Variants in CAPN14 observed in about 807,000 individuals in gnomAD.
The protein encoded by CAPN14 is calpain-14.
A neutral mutation model predicts 101.3 loss-of-function variants in CAPN14; 94 were observed. The observed-to-expected ratio is 0.93, with a 90% CI of 0.79 to 1.10. The LOEUF (loss-of-function observed/expected upper bound fraction) is 1.10, where lower values mean the gene tolerates loss of function less well. CAPN14 is among the 50% of genes least tolerant of loss of function. CAPN14 has a pLI of 0.00. For missense variants in CAPN14, 837 were observed against 828.4 expected, an observed-to-expected ratio of 1.01 and a Z score of -0.13; for synonymous variants, 338 against 317.9, an observed-to-expected ratio of 1.06 and a Z score of -0.67.
intron 1 of CAPN14, among the ~76,000 whole-genome samples, chr2:31,210,365 G>A (rs1349757090): frequency 6.6e-6 from 1 of 152,116 alleles, no homozygotes; most frequent in Non-Finnish European, 1.5e-5. Flanking sequence ...GGAGAATGGT[G>A]TGAACCCGGG....
At chr2:31,212,498 C>G (rs1284031706) in intron 1 of CAPN14, among the ~76,000 whole-genome samples, 1 of 152,080 alleles carries the variant, frequency 6.6e-6, no homozygotes, top group African/African-American at 2.4e-5. Flanking sequence ...ATAAGATCTG[C>G]CCAAATCCTG....
chr2:31,199,504 TC>T lies in CAPN14; in HGVS notation c.754del (p.Glu252LysfsTer13). On this transcript the variant is annotated frameshift_variant, in exon 7 of 22. Transcript: ENST00000403897. LOFTEE classifies it high-confidence loss of function. Reference sequence around the variant, plus strand: ...TCCTGTGAGAGTATAGGCATGGCCTTCCACCAGCCCATTCTCCAGAATCTTC... The same window carrying T: ...TCCTGTGAGAGTATAGGCATGGCCTTCACCAGCCCATTCTCCAGAATCTTC... ...GEKILENGLV[E>X]GHAYTLTGIR... 1 of 1,551,544 alleles carries T rather than the reference TC, an allele frequency of 6.4e-7. No individual in the cohort carries two copies.
chr2:31,203,517 C>T (rs1299887748), intron 2 of CAPN14, among the ~76,000 whole-genome samples: 1 of 152,036 alleles, frequency 6.6e-6, no homozygotes, highest in African/African-American at 2.4e-5. Context: ...ATTCCTGACC[C>T]CTAATATGAT....
chr2:31,219,185 C>T (rs141390596), upstream of CAPN14, among the ~76,000 whole-genome samples: 693 of 149,862 alleles, frequency 4.6e-3, 7 homozygotes, highest in African/African-American at 0.016. Context: ...AATTGTGCTG[C>T]GGATTCACAG....
intron 11 of CAPN14, 147 bp downstream of exon 11, chr2:31,191,788 T>A (rs1681193940): frequency 1.4e-6 from 1 of 733,200 alleles, no homozygotes; most frequent in African/African-American, 1.8e-5. Context: ...CTAAATCACA[T>A]GTTCCTAAAG....
chr2:31,193,119 G>T lies in CAPN14; in HGVS notation c.1114+12C>A. 1 of 1,547,566 alleles carries T rather than the reference G, an allele frequency of 6.5e-7. No homozygotes were observed. ...CTCACCCTGAGAGCCCTGCTCCTGT[G>T]CACATGCTCACCCTGCAGCAACTGC... On this transcript the variant is annotated intron_variant, in intron 10 of 21. Transcript: ENST00000403897.
chr2:31,218,146 G>A (rs1198949883), upstream of CAPN14, among the ~76,000 whole-genome samples: 1 of 151,998 alleles, frequency 6.6e-6, no homozygotes, highest in African/African-American at 2.4e-5. Flanking sequence ...TTCACCTTGG[G>A]TCCCGTTGCT....
At position 31,200,630 on chromosome 2, in the gene CAPN14, C is replaced by A; in HGVS notation, c.552-5G>T. 6.5e-7 allele frequency: 1 copy of A among 1,536,334 alleles called. No homozygotes were observed. Among genetic ancestry groups the A allele is most frequent in the Non-Finnish European group, 8.8e-7 (1 of 1,141,426 alleles). ...TCTTCATAGGAACCAGAGAGCCTGG[C>A]CAGGGAAGAAATAAACATGAGAGGA... On this transcript the variant is annotated splice_polypyrimidine_tract_variant and splice_region_variant and intron_variant, in intron 5 of 21. Coordinates refer to ENST00000403897, the MANE Select transcript of CAPN14 (RefSeq NM_001145122.2).
intron 1 of CAPN14, among the ~76,000 whole-genome samples, chr2:31,227,185 C>T (rs1003638915): frequency 3.9e-5 from 6 of 152,156 alleles, no homozygotes; most frequent in African/African-American, 1.4e-4. Flanking sequence ...AGATACACAC[C>T]GCTGCCTCTC....
At chr2:31,212,484 A>G (rs1682453256) in intron 1 of CAPN14, among the ~76,000 whole-genome samples, 1 of 152,092 alleles carries the variant, frequency 6.6e-6, no homozygotes, top group Non-Finnish European at 1.5e-5. Flanking sequence ...CTTGATTTGG[A>G]AAAATAAGAT....
upstream of CAPN14, among the ~76,000 whole-genome samples, chr2:31,218,913 G>T (rs1682769083): frequency 6.6e-6 from 1 of 152,184 alleles, no homozygotes; most frequent in Admixed American, 6.5e-5. Context: ...CCTCGCATGG[G>T]TCTGAAGGTG....
Position 31,192,136 on chromosome 2 carries a change from A to T in CAPN14, c.1115-38T>A, listed in dbSNP as rs1026712000. On this transcript the variant is annotated intron_variant, in intron 10 of 21. Transcript: ENST00000403897. ...ACAGCAAGGTGAGAATGGGCCCCGGATCCCCATGCATCCTGCTTGCCGAAC... is the reference window on the plus strand; with the variant it reads ...ACAGCAAGGTGAGAATGGGCCCCGGTTCCCCATGCATCCTGCTTGCCGAAC... 3.3e-6 allele frequency: 5 copies of T among 1,498,158 alleles called. No individual in the cohort carries two copies. The Admixed American group carries it at 6.7e-5, about 20-fold the overall frequency. 92.8% of individuals were successfully genotyped at this position (1,498,158 alleles called of 1,614,324 possible). A position where few individuals can be genotyped will look rare whatever the true frequency, so the allele number is the denominator to read the frequency against.
At chr2:31,229,919 T>C (rs1373597208) in intron 1 of CAPN14, among the ~76,000 whole-genome samples, 1 of 152,202 alleles carries the variant, frequency 6.6e-6, no homozygotes, top group Non-Finnish European at 1.5e-5. Flanking sequence ...ATTAATGAAA[T>C]TGTATGATTC....
intron 17 of CAPN14, among the ~76,000 whole-genome samples, 171 bp downstream of exon 17, chr2:31,180,765 C>A (rs1193983347): frequency 1.3e-5 from 2 of 152,210 alleles, no homozygotes; most frequent in Non-Finnish European, 2.9e-5. Context: ...TAAGTTTCAA[C>A]ACTCTCTCCA....
intron 1 of CAPN14, among the ~76,000 whole-genome samples, chr2:31,228,043 A>G (rs747994263): frequency 3.9e-5 from 6 of 152,204 alleles, no homozygotes; most frequent in Non-Finnish European, 5.9e-5. Flanking sequence ...CAGGGTGTGC[A>G]AAGGAGCCCG....
At chr2:31,176,155 T>A (rs2148669322) in intron 21 of CAPN14, among the ~76,000 whole-genome samples, 1 of 152,272 alleles carries the variant, frequency 6.6e-6, no homozygotes, top group South Asian at 2.1e-4. Context: ...CTTGTGTTTC[T>A]CCCATTTCCC....
intron 1 of CAPN14, chr2:31,228,423 C>G (rs1189559913): frequency 6.6e-6 from 1 of 152,174 alleles, no homozygotes; most frequent in Admixed American, 6.5e-5. Context: ...ATGGAAAAGT[C>G]TTCTGTTTCA....
chr2:31,206,323 C>T (rs1682090304), intron 1 of CAPN14, among the ~76,000 whole-genome samples: 1 of 152,312 alleles, frequency 6.6e-6, no homozygotes, highest in South Asian at 2.1e-4. Context: ...TCACAGAAGG[C>T]CCCCACGGGC....
intron 1 of CAPN14, among the ~76,000 whole-genome samples, chr2:31,214,512 T>A (rs1682545139): frequency 1.3e-5 from 2 of 151,764 alleles, no homozygotes; most frequent in Admixed American, 1.3e-4. Context: ...AAAAAACAAG[T>A]CTCCAAAGGG....
Sources: gnomAD v4.1 joint callset for allele counts (sites outside exome capture counted in the v4.1 genomes callset) on GRCh38, gnomAD v4.1.1 for gene constraint, MANE v1.5 for transcripts, NCBI Gene and HGNC (gene_info 2026-07-23, HGNC 2026-07-21) for gene names.